Variants in GREB1 observed in about 807,000 individuals in gnomAD.
GREB1 encodes growth regulating estrogen receptor binding 1.
GREB1 carries 106 observed loss-of-function variants against 200.7 expected under a neutral mutation model. The ratio of observed to expected loss-of-function variants is 0.53; its 90% CI spans 0.45 to 0.62. GREB1 has a LOEUF of 0.62. Among genes scored for constraint, GREB1 ranks in the 20% least tolerant of loss-of-function variants. The probability of loss-of-function intolerance (pLI) is 0.00; values close to 1 mark genes in which losing one functional copy is unlikely to be tolerated. For synonymous variants in GREB1, 1,132 were observed against 1,092.4 expected (o/e 1.04, Z -0.72); for missense variants, 2,243 against 2,556.8 (o/e 0.88, Z 2.65).
intron 1 of GREB1, among the ~76,000 whole-genome samples, chr2:11,500,108 A>G (rs6432208): frequency 0.98 from 148,777 of 152,012 alleles, 72,847 homozygotes; most frequent in South Asian, 1. Flanking sequence ...CAGCCTCCTG[A>G]GTAGCTGGGA....
At chr2:11,504,651 T>C (rs2148435152) in intron 1 of GREB1, among the ~76,000 whole-genome samples, 1 of 152,386 alleles carries the variant, frequency 6.6e-6, no homozygotes. Flanking sequence ...TGTAATGTTT[T>C]CAAGTTTCAT....
intron 14 of GREB1, among the ~76,000 whole-genome samples, chr2:11,598,327 T>C (rs1019443651): frequency 1.3e-5 from 2 of 152,232 alleles, no homozygotes; most frequent in African/African-American, 4.8e-5. Context: ...CACTCTTTAG[T>C]GGTGTCATGT....
rs1553347551 is a variant in GREB1, at chr2:11,539,062, T to TCTTCTCTTCTCTTCTCTTCC, written c.-162+4816_-162+4817insCTCTTCTCTTCCCTTCTCTT. On this transcript the variant is annotated intron_variant, in intron 1 of 32. Coordinates refer to ENST00000381486, the MANE Select transcript of GREB1 (RefSeq NM_014668.4). ...TCTTCTCTTCTCTTCTCTTCTCTTC[T>TCTTCTCTTCTCTTCTCTTCC]CTTCTCTTATGATAGGGTCTCACTT... is the stretch of plus-strand genomic sequence containing the variant. Among the ~76,000 whole-genome samples, 455 of 135,620 alleles carry TCTTCTCTTCTCTTCTCTTCC rather than the reference T, an allele frequency of 3.4e-3. 16 individuals are homozygous for TCTTCTCTTCTCTTCTCTTCC. Among genetic ancestry groups the TCTTCTCTTCTCTTCTCTTCC allele is most frequent in the African/African-American group, 0.012 (429 of 35,856 alleles). The allele number at this position is 135,620 out of a possible 152,430, so 89.0% of individuals were successfully genotyped here.
chr2:11,576,481 C>T lies in GREB1; in HGVS notation c.583C>T (p.Arg195Cys), dbSNP rs972381553. ...GAAACACTTGAAGTATTACCTGGTC[C>T]GTAATGCACAAGGGACTCTAACCAA... is the stretch of plus-strand genomic sequence containing the variant. Reference protein sequence around the residue: ...KQKHLKYYLVRNAQGTLTKGP... With the variant: ...KQKHLKYYLVCNAQGTLTKGP... The change falls in exon 5 of 33, where the codon CGT becomes TGT. Residue 195 changes from arginine (R) to cysteine (C), a missense_variant. Arg to Cys is a radical substitution (Grantham distance 180). Around this residue, in one of 3 missense-constraint regions of GREB1, gnomAD observed 1,178 missense variants for 1,387.4 expected, o/e 0.85. Transcript: ENST00000381486. 10 of 1,613,968 alleles carry T rather than the reference C, an allele frequency of 6.2e-6. No individual in the cohort carries two copies. The highest frequency in any genetic ancestry group is 3.3e-5 in the South Asian group (3 of 91,060).
rs1380888062 is a variant in GREB1, at chr2:11,493,699, T to C, written c.-159+11318T>C. Among the ~76,000 whole-genome samples, 9 of 152,312 alleles carry C rather than the reference T, an allele frequency of 5.9e-5. No individual in the cohort carries two copies. The highest frequency in any genetic ancestry group is 2.1e-4 in the South Asian group (1 of 4,828). On this transcript the variant is annotated intron_variant, in intron 1 of 2. Coordinates refer to the GREB1 transcript ENST00000628795. This position sits in a 1 kb window ranked among gnomAD's most constrained non-coding sequence, Gnocchi z 4.6. ...TATGTTTTTGAAGGTTGCATTTTTT[T>C]CCCCAAAATTTTAGAGAGCAGATTT...
chr2:11,533,761 G>A (rs1674162624), upstream of GREB1, among the ~76,000 whole-genome samples: 1 of 152,128 alleles, frequency 6.6e-6, no homozygotes, highest in South Asian at 2.1e-4. Flanking sequence ...CAGTTGTGTG[G>A]ACCATATTTT....
In GREB1 at chr2:11,641,914, A is replaced by T. The variant is rs1481890366; in HGVS notation, c.*1460A>T. 4 of 152,122 alleles carry T rather than the reference A, an allele frequency of 2.6e-5. No individual in the cohort carries two copies. Among genetic ancestry groups the T allele is most frequent in the Non-Finnish European group, 5.9e-5 (4 of 68,036 alleles). 9.4% of individuals were successfully genotyped at this position (152,122 alleles called of 1,614,324 possible). On this transcript the variant is annotated 3_prime_UTR_variant, in exon 33 of 33. Transcript: ENST00000381486. Reference sequence around the variant, plus strand: ...TTATTCATCCCCTTTGAAAGATGAGAAGGTTGAGATGCAAAGAGTCTACCT... The same window carrying T: ...TTATTCATCCCCTTTGAAAGATGAGTAGGTTGAGATGCAAAGAGTCTACCT...
At chr2:11,483,255 TGTGTGCAC>T (rs1378920426) in intron 1 of GREB1, among the ~76,000 whole-genome samples, 36 of 146,978 alleles carry the variant, frequency 2.4e-4, no homozygotes, top group African/African-American at 8.4e-4. Flanking sequence ...TGGGTGTGCG[TGTGTGCAC>T]GTGTGTGCGT....
chr2:11,499,495 G>C (rs1169756180), intron 1 of GREB1, among the ~76,000 whole-genome samples: 2 of 152,264 alleles, frequency 1.3e-5, no homozygotes, highest in African/African-American at 4.8e-5. Context: ...CCTGAGCTTA[G>C]CTTCTACTGT....
At position 11,580,675 on chromosome 2, in the gene GREB1, C is replaced by A. The variant is rs1434046916; in HGVS notation, c.773-29C>A. On this transcript the variant is annotated intron_variant, in intron 6 of 32. Transcript: ENST00000381486. The surrounding 1 kb of genome is among the most constrained non-coding windows in gnomAD (Gnocchi z 4.5). ...TCCCAGGGCATTCTTGTGAACTGAC[C>A]CTCCTCTTTGCCTTCTATCTGTTTT... 1.3e-6 allele frequency: 2 copies of A among 1,588,912 alleles called. No homozygotes were observed. The highest frequency in any genetic ancestry group is 1.2e-5 in the South Asian group (1 of 86,608).
intron 3 of GREB1, among the ~76,000 whole-genome samples, chr2:11,563,704 C>T (rs1271796344): frequency 6.6e-6 from 1 of 152,156 alleles, no homozygotes; most frequent in Non-Finnish European, 1.5e-5. Context: ...CTATGGTACC[C>T]CCTATACAAA....
Position 11,518,747 on chromosome 2 carries a change from C to CAA in GREB1, c.-159+36379_-159+36380dup, listed in dbSNP as rs11417674. On this transcript the variant is annotated intron_variant, in intron 1 of 2. Transcript: ENST00000628795. ...GTAGATAGGGCAGTAAAGTGAAATA[C>CAA]AAAAAAAAAAAAAAGAAAAAGCGCA... Among the ~76,000 whole-genome samples, 669 of 102,564 alleles carry CAA rather than the reference C, an allele frequency of 6.5e-3. 6 individuals carry two copies. Among genetic ancestry groups the CAA allele is most frequent in the African/African-American group, 0.017 (527 of 30,740 alleles). 67.3% of individuals were successfully genotyped at this position (102,564 alleles called of 152,430 possible). A position where few individuals can be genotyped will look rare whatever the true frequency, so the allele number is the denominator to read the frequency against.
At chr2:11,565,811 G>C (rs548420019) in intron 3 of GREB1, among the ~76,000 whole-genome samples, 1 of 152,178 alleles carries the variant, frequency 6.6e-6, no homozygotes, top group African/African-American at 2.4e-5. Context: ...CGTTTTTCAT[G>C]ATGGCCTCTT....
intron 17 of GREB1, among the ~76,000 whole-genome samples, chr2:11,606,919 A>T (rs1682355291): frequency 6.6e-6 from 1 of 151,788 alleles, no homozygotes; most frequent in African/African-American, 2.4e-5. Context: ...AGTAGCTGGG[A>T]TTACAGGCAC....
rs1677694801 is a variant in GREB1 at position 11,566,619 on chromosome 2, G to T, written c.417G>T (p.Arg139Ser). Residue 139 changes from arginine (R) to serine (S), a missense_variant, in exon 4 of 33, where the codon AGG becomes AGT. Arg to Ser is a moderately radical substitution (Grantham distance 110, BLOSUM62 -1). Coordinates refer to ENST00000381486, the MANE Select transcript of GREB1 (RefSeq NM_014668.4). The part of the protein sequence containing the change: ...DHLLVCAVDK[R>S]FLPDDNGHNA... ...TCCTGGTGTGCGCCGTTGACAAGAG[G>T]TTCTTGCCAGATGACAATGGCCACA... The T allele has an allele frequency of 1.2e-6, 2 of 1,613,824 alleles. No homozygotes were observed. Among genetic ancestry groups the T allele is most frequent in the African/African-American group, 1.3e-5 (1 of 75,002 alleles).
At chr2:11,568,793 G>C (rs1437122405) in intron 4 of GREB1, among the ~76,000 whole-genome samples, 1 of 152,250 alleles carries the variant, frequency 6.6e-6, no homozygotes, top group African/African-American at 2.4e-5. Flanking sequence ...AAGTGTAGGA[G>C]CTTTGTTAAT....
chr2:11,604,417 G>A (rs1682065316), intron 17 of GREB1, among the ~76,000 whole-genome samples: 1 of 152,116 alleles, frequency 6.6e-6, no homozygotes, highest in South Asian at 2.1e-4. Context: ...ACAGGGCCTG[G>A]CACACATTAC....
At position 11,580,027 on chromosome 2, in the gene GREB1, A is replaced by G. The variant is rs1679299691; in HGVS notation, c.773-677A>G. Among the ~76,000 whole-genome samples, 1 of 152,236 alleles carries G rather than the reference A, an allele frequency of 6.6e-6. No individual in the cohort carries two copies. The highest frequency in any genetic ancestry group is 2.4e-5 in the African/African-American group (1 of 41,450). On this transcript the variant is annotated intron_variant, in intron 6 of 32. Coordinates refer to ENST00000381486, the MANE Select transcript of GREB1 (RefSeq NM_014668.4). This position sits in a 1 kb window ranked among gnomAD's most constrained non-coding sequence, Gnocchi z 4.5. ...TCACAATCATGGCAAAAGGCAAAGGAGAAGCAAAGGCACGTCTTACATGAT... is the reference window on the plus strand; with the variant it reads ...TCACAATCATGGCAAAAGGCAAAGGGGAAGCAAAGGCACGTCTTACATGAT...
chr2:11,501,913 T>G (rs1393046386), intron 1 of GREB1, among the ~76,000 whole-genome samples: 2 of 107,140 alleles, frequency 1.9e-5, no homozygotes, highest in African/African-American at 4.1e-5. Flanking sequence ...TTGTTTTTTT[T>G]TTTTTTTTTT....
Sources: allele counts gnomAD v4.1 joint callset (sites outside exome capture counted in the v4.1 genomes callset), GRCh38; gene constraint gnomAD v4.1.1; regional missense constraint gnomAD v4.1.1; non-coding constraint Gnocchi (gnomAD v3.1); transcripts MANE v1.5; gene names NCBI Gene and HGNC (gene_info 2026-07-23, HGNC 2026-07-21).